The following ZCCHC7 variants were observed in gnomAD, a reference collection of about 807,000 sequenced individuals.
The protein encoded by ZCCHC7 is zinc finger CCHC-type containing 7.
Under a neutral mutation model 52.0 loss-of-function variants are expected in ZCCHC7, and 35 were observed. The observed-to-expected ratio is 0.67, with a 90% CI of 0.51 to 0.89. The LOEUF is 0.89. ZCCHC7 is among the 40% of genes least tolerant of loss of function. The pLI is 0.00. For missense variants in ZCCHC7, 574 were observed against 649.1 expected (o/e 0.88, Z 1.26); for synonymous variants, 217 against 221.5 (o/e 0.98, Z 0.18).
chr9:37,227,008 G>T (rs182349729), intron 2 of ZCCHC7, among the ~76,000 whole-genome samples: 1 of 130,180 alleles, frequency 7.7e-6, no homozygotes, highest in African/African-American at 3.2e-5. Flanking sequence ...CAGCCTGGGC[G>T]ACAGAGCGAG....
intron 2 of ZCCHC7, among the ~76,000 whole-genome samples, chr9:37,135,152 AG>A (rs1842946957): frequency 6.6e-6 from 1 of 152,216 alleles, no homozygotes; most frequent in Admixed American, 6.5e-5. Context: ...TCTTATTTCT[AG>A]GACTATGAAC....
intron 2 of ZCCHC7, among the ~76,000 whole-genome samples, chr9:37,165,553 C>T (rs1366126568): frequency 2.0e-5 from 3 of 152,070 alleles, no homozygotes; most frequent in Non-Finnish European, 4.4e-5. Flanking sequence ...TGGGTCTGAT[C>T]GAGATAATCA....
chr9:37,237,588 T>C (rs1168384167), intron 2 of ZCCHC7, among the ~76,000 whole-genome samples: 1 of 152,240 alleles, frequency 6.6e-6, no homozygotes, highest in East Asian at 1.9e-4. Context: ...CTTGTATTTA[T>C]TTTGTATTTT....
intron 2 of ZCCHC7, among the ~76,000 whole-genome samples, chr9:37,235,911 A>G (rs1420773692): frequency 6.6e-6 from 1 of 151,746 alleles, no homozygotes; most frequent in Non-Finnish European, 1.5e-5. Context: ...TAATGGCTGA[A>G]TAGTATTCAT....
At chr9:37,248,490 A>G (rs1826176693) in intron 2 of ZCCHC7, among the ~76,000 whole-genome samples, 1 of 152,222 alleles carries the variant, frequency 6.6e-6, no homozygotes, top group Non-Finnish European at 1.5e-5. Flanking sequence ...AGACTCTACA[A>G]CTTCAGTTAA....
chr9:37,251,005 A>C (rs1337249471), intron 2 of ZCCHC7, among the ~76,000 whole-genome samples: 1 of 152,216 alleles, frequency 6.6e-6, no homozygotes, highest in Non-Finnish European at 1.5e-5. Flanking sequence ...AAAGGACTTC[A>C]TCCTGTGAAA....
At chr9:37,157,019 G>A (rs1820850093) in intron 2 of ZCCHC7, among the ~76,000 whole-genome samples, 1 of 151,794 alleles carries the variant, frequency 6.6e-6, no homozygotes, top group Non-Finnish European at 1.5e-5. Flanking sequence ...ATAGTAAGAT[G>A]TGGTTTTCTG....
intron 2 of ZCCHC7, among the ~76,000 whole-genome samples, chr9:37,217,538 T>C (rs958098563): frequency 6.6e-6 from 1 of 152,166 alleles, no homozygotes; most frequent in Non-Finnish European, 1.5e-5. Flanking sequence ...TTAAAGTGGA[T>C]ACTTAGAATG....
chr9:37,297,520 A>C (rs1828842300), intron 2 of ZCCHC7, among the ~76,000 whole-genome samples: 1 of 152,236 alleles, frequency 6.6e-6, no homozygotes, highest in African/African-American at 2.4e-5. Flanking sequence ...TGTATGCTGA[A>C]TCATACATAC....
At chr9:37,153,076 G>A (rs192089502) in intron 2 of ZCCHC7, among the ~76,000 whole-genome samples, 22 of 151,916 alleles carry the variant, frequency 1.4e-4, no homozygotes, top group African/African-American at 5.1e-4. Context: ...AGTGCTTTCA[G>A]TTGGCTCCTA....
At chr9:37,261,483 C>T (rs1554720675) in intron 2 of ZCCHC7, among the ~76,000 whole-genome samples, 1 of 152,206 alleles carries the variant, frequency 6.6e-6, no homozygotes, top group Non-Finnish European at 1.5e-5. Context: ...AAGATATTTA[C>T]ATTATCACTT....
At chr9:37,342,184 C>T (rs1453043778) in intron 6 of ZCCHC7, among the ~76,000 whole-genome samples, 1 of 152,088 alleles carries the variant, frequency 6.6e-6, no homozygotes, top group Non-Finnish European at 1.5e-5. Flanking sequence ...GATGTATTTG[C>T]AGAGCCAACA....
chr9:37,193,639 A>C (rs1823131477), intron 2 of ZCCHC7, among the ~76,000 whole-genome samples: 1 of 152,076 alleles, frequency 6.6e-6, no homozygotes, highest in African/African-American at 2.4e-5. Flanking sequence ...AAATTGTGTT[A>C]ATAATAGCCT....
intron 6 of ZCCHC7, among the ~76,000 whole-genome samples, chr9:37,337,962 G>A (rs1830754241): frequency 1.3e-5 from 2 of 152,024 alleles, no homozygotes; most frequent in African/African-American, 4.8e-5. Context: ...TAAATAGGGT[G>A]GTATATTAAA....
At chr9:37,290,056 T>C (rs1280558262) in intron 2 of ZCCHC7, among the ~76,000 whole-genome samples, 1 of 152,226 alleles carries the variant, frequency 6.6e-6, no homozygotes, top group Non-Finnish European at 1.5e-5. Flanking sequence ...AAAGCTCTTA[T>C]GCCTCTCTAA....
chr9:37,335,464 T>C (rs962035226), intron 6 of ZCCHC7, among the ~76,000 whole-genome samples: 1 of 152,182 alleles, frequency 6.6e-6, no homozygotes, highest in Non-Finnish European at 1.5e-5. Flanking sequence ...TTTCTTCATC[T>C]GAAAAATGGG....
intron 5 of ZCCHC7, among the ~76,000 whole-genome samples, chr9:37,314,629 AT>A (rs1829731269): frequency 6.6e-6 from 1 of 151,994 alleles, no homozygotes; most frequent in African/African-American, 2.4e-5. Flanking sequence ...ACCTTTATAG[AT>A]CCCTGGATGT....
chr9:37,355,611 C>G (rs1358011255), intron 8 of ZCCHC7, among the ~76,000 whole-genome samples: 1 of 152,172 alleles, frequency 6.6e-6, no homozygotes, highest in Non-Finnish European at 1.5e-5. Flanking sequence ...TCATCTACAG[C>G]TATCCCTGGA....
intron 2 of ZCCHC7, among the ~76,000 whole-genome samples, chr9:37,154,332 T>C (rs1223919835): frequency 2.0e-5 from 3 of 152,224 alleles, no homozygotes; most frequent in Admixed American, 6.5e-5. Context: ...TTAACCACCA[T>C]CTTGCATTGA....
Sources: gnomAD v4.1 joint callset for allele counts (sites outside exome capture counted in the v4.1 genomes callset) on GRCh38, gnomAD v4.1.1 for gene constraint, MANE v1.5 for transcripts, NCBI Gene and HGNC (gene_info 2026-07-23, HGNC 2026-07-21) for gene names.